The following ATRN variants were observed in gnomAD, a reference collection of about 807,000 sequenced individuals.
The protein encoded by ATRN is attractin.
A neutral mutation model predicts 178.7 loss-of-function variants in ATRN; 54 were observed. That is an observed-to-expected ratio of 0.30 (90% CI 0.24 to 0.38). The LOEUF (loss-of-function observed/expected upper bound fraction) is 0.38, where lower values mean the gene tolerates loss of function less well. Ranked by LOEUF, ATRN falls within the 10% of genes least tolerant of loss-of-function variation. The probability of loss-of-function intolerance (pLI) is 1.00; values close to 1 mark genes in which losing one functional copy is unlikely to be tolerated. For missense variants in ATRN, 1,443 were observed against 1,815.1 expected, an observed-to-expected ratio of 0.79 and a Z score of 3.73; for synonymous variants, 636 against 663.0, an observed-to-expected ratio of 0.96 and a Z score of 0.63.
chr20:3,562,234 A>G, intron 8 of ATRN, 42 bp from the exon 9 acceptor site: 1 of 1,539,432 alleles, frequency 6.5e-7, no homozygotes, highest in East Asian at 2.3e-5. Context: ...AGTAGAGAGG[A>G]GGAGCCTGCC....
At chr20:3,646,612 G>A in intron 28 of ATRN, 111 bp from the exon 29 acceptor site, 1 of 1,388,288 alleles carries the variant, frequency 7.2e-7, no homozygotes, top group East Asian at 2.6e-5. Flanking sequence ...CTGGTTTTTT[G>A]GTTTGTTTGT....
At chr20:3,534,336 G>A (rs1161359619) in intron 1 of ATRN, among the ~76,000 whole-genome samples, 1 of 152,132 alleles carries the variant, frequency 6.6e-6, no homozygotes, top group East Asian at 1.9e-4. Flanking sequence ...TTTTTTTGTG[G>A]TAATGTTGTT....
At chr20:3,560,582 T>C in intron 7 of ATRN, 80 bp from the exon 8 acceptor site, 1 of 1,216,598 alleles carries the variant, frequency 8.2e-7, no homozygotes, top group South Asian at 1.5e-5. Flanking sequence ...CTGAGAATAA[T>C]ATTGAGCTTT....
chr20:3,621,466 A>T (rs1438191911), intron 24 of ATRN, among the ~76,000 whole-genome samples: 1 of 152,234 alleles, frequency 6.6e-6, no homozygotes, highest in Non-Finnish European at 1.5e-5. Context: ...CATGGGGCAG[A>T]TACACCTTAG....
chr20:3,587,429 A>C (rs1412744318), intron 18 of ATRN, among the ~76,000 whole-genome samples: 1 of 151,730 alleles, frequency 6.6e-6, no homozygotes, highest in Non-Finnish European at 1.5e-5. Context: ...TAGGGGTCCA[A>C]ACTCTCTTCT....
chr20:3,560,072 T>G (rs2085929969), intron 7 of ATRN, among the ~76,000 whole-genome samples: 1 of 152,178 alleles, frequency 6.6e-6, no homozygotes, highest in Non-Finnish European at 1.5e-5. Flanking sequence ...TATATAATGG[T>G]ACCATCTTTA....
rs546525882 is a variant in ATRN at position 3,583,571 on chromosome 20, G to A, written c.2765-327G>A. Among the ~76,000 whole-genome samples, 3 of 152,262 alleles carry A rather than the reference G, an allele frequency of 2.0e-5. No individual in the cohort carries two copies. In the South Asian group the frequency reaches 6.2e-4, roughly 32 times the overall value. The stretch of plus-strand genomic sequence containing the variant: ...CGCCTGTAATCCCAGCACTTTAGGA[G>A]GCCAAGACGGGTGGATCACAAGGTC... On this transcript the variant is annotated intron_variant, in intron 16 of 28. Transcript: ENST00000262919.
At chr20:3,505,728 GA>G (rs1157816001) in intron 1 of ATRN, among the ~76,000 whole-genome samples, 1 of 152,140 alleles carries the variant, frequency 6.6e-6, no homozygotes, top group Non-Finnish European at 1.5e-5. Flanking sequence ...ATTGCTTATA[GA>G]AAAGTCACTT....
intron 6 of ATRN, among the ~76,000 whole-genome samples, chr20:3,553,711 T>A (rs235589): frequency 0.75 from 114,381 of 152,110 alleles, 43,461 homozygotes; most frequent in East Asian, 1. Context: ...TCATTACCTT[T>A]AGAGCCTGTG....
chr20:3,609,813 A>C (rs374932560), intron 24 of ATRN, among the ~76,000 whole-genome samples: 30 of 152,214 alleles, frequency 2.0e-4, no homozygotes, highest in African/African-American at 7.2e-4. Flanking sequence ...CGACAACACA[A>C]GTGAACCTTG....
intron 24 of ATRN, among the ~76,000 whole-genome samples, chr20:3,621,126 G>A (rs1206231246): frequency 3.3e-5 from 5 of 152,152 alleles, no homozygotes; most frequent in Non-Finnish European, 7.4e-5. Context: ...CACACGCCCT[G>A]AGAGGGAAGC....
intron 10 of ATRN, among the ~76,000 whole-genome samples, chr20:3,564,867 T>C (rs1436263844): frequency 1.3e-5 from 2 of 151,924 alleles, no homozygotes; most frequent in Non-Finnish European, 2.9e-5. Flanking sequence ...AGATTGAGAC[T>C]ATCCTGGCTA....
intron 1 of ATRN, among the ~76,000 whole-genome samples, chr20:3,530,343 A>C (rs1280369671): frequency 6.6e-6 from 1 of 150,516 alleles, no homozygotes; most frequent in Admixed American, 6.6e-5. Flanking sequence ...AGCTCACTGC[A>C]GCCTCTGCCC....
At position 3,540,258 on chromosome 20, in the gene ATRN, T is replaced by C; in HGVS notation, c.531T>C (p.Phe177=). Residue 177 remains phenylalanine (F), a synonymous_variant, in exon 3 of 29, where the codon TTT becomes TTC. Coordinates refer to ENST00000262919, the MANE Select transcript of ATRN (RefSeq NM_139321.3). ...TAATGAGACTTCGTTTCAATCATTT[T>C]GCTACAGAGTGTAGTTGGGACCATT... ...NRIMRLRFNH[F]ATECSWDHLY... 6.2e-7 allele frequency: 1 copy of C among 1,606,282 alleles called. No homozygotes were observed. The highest frequency in any genetic ancestry group is 8.5e-7 in the Non-Finnish European group (1 of 1,176,724).
chr20:3,591,433 C>A, intron 19 of ATRN, 127 bp downstream of exon 19: 2 of 1,203,778 alleles, frequency 1.7e-6, no homozygotes, highest in South Asian at 1.6e-5. Context: ...TTAAATCATA[C>A]TGGTCAGAAG....
intron 1 of ATRN, among the ~76,000 whole-genome samples, chr20:3,485,559 TG>T: frequency 1.3e-5 from 2 of 151,930 alleles, no homozygotes; most frequent in South Asian, 4.1e-4. Context: ...GGCCATGATA[TG>T]TTTTTTAATA....
intron 1 of ATRN, among the ~76,000 whole-genome samples, chr20:3,485,453 T>A (rs2084677137): frequency 1.3e-5 from 2 of 152,118 alleles, no homozygotes; most frequent in African/African-American, 4.8e-5. Context: ...TGTGATTATA[T>A]TGATTTTTGT....
intron 11 of ATRN, among the ~76,000 whole-genome samples, chr20:3,570,636 A>T (rs142484390): frequency 4.5e-4 from 68 of 152,172 alleles, no homozygotes; most frequent in African/African-American, 1.5e-3. Context: ...TTCCATCTTT[A>T]GCCAGTGAGG....
In ATRN at chr20:3,600,223, A is replaced by G. The variant is rs2086590037; in HGVS notation, c.3565-723A>G. 2.0e-5 allele frequency among the ~76,000 whole-genome samples: 3 copies of G among 152,184 alleles called. No individual in the cohort carries two copies. The South Asian group carries it at 6.2e-4, about 32-fold the overall frequency. On this transcript the variant is annotated intron_variant, in intron 22 of 28. Coordinates refer to ENST00000262919, the MANE Select transcript of ATRN (RefSeq NM_139321.3). ...CTGGCTTAACAGATTCCTCAGCAAT[A>G]TCTTTATTAGTCATTAAGACCAAGG...
Sources: allele counts gnomAD v4.1 joint callset (sites outside exome capture counted in the v4.1 genomes callset), GRCh38; gene constraint gnomAD v4.1.1; transcripts MANE v1.5; gene names NCBI Gene and HGNC (gene_info 2026-07-23, HGNC 2026-07-21).